SPAG16: variants seen among roughly 807,000 people sequenced by gnomAD.
SPAG16 encodes the protein sperm-associated antigen 16 protein.
A neutral mutation model predicts 80.4 loss-of-function variants in SPAG16; 86 were observed. That is an observed-to-expected ratio of 1.07 (90% confidence interval 0.90 to 1.28). The LOEUF is 1.28. Among genes scored for constraint, SPAG16 ranks in the 50% most tolerant of loss-of-function variants. SPAG16 has a pLI of 0.00. For missense variants in SPAG16, 870 were observed against 765.3 expected (o/e 1.14, Z -1.61); for synonymous variants, 294 against 265.9 (o/e 1.11, Z -1.03).
intron 6 of SPAG16, among the ~76,000 whole-genome samples, chr2:213,345,734 G>T (rs962779508): frequency 2.0e-5 from 3 of 150,002 alleles, no homozygotes; most frequent in Non-Finnish European, 4.5e-5. Context: ...TGTTCCATTG[G>T]TCTATATCTC....
intron 10 of SPAG16, among the ~76,000 whole-genome samples, chr2:213,751,696 C>T (rs1249169861): frequency 6.6e-6 from 1 of 152,206 alleles, no homozygotes; most frequent in African/African-American, 2.4e-5. Context: ...ACCTTATATT[C>T]AGCCAGAGCT....
intron 10 of SPAG16, among the ~76,000 whole-genome samples, chr2:213,635,854 T>C (rs182868628): frequency 9.8e-5 from 15 of 152,306 alleles, no homozygotes; most frequent in Admixed American, 4.6e-4. Context: ...ATATTATTCC[T>C]TTGTCAGATG....
intron 9 of SPAG16, among the ~76,000 whole-genome samples, chr2:213,383,682 A>G (rs1050697722): frequency 2.0e-5 from 3 of 152,182 alleles, no homozygotes; most frequent in Non-Finnish European, 2.9e-5. Context: ...AAAACATATA[A>G]GACATGAACT....
intron 10 of SPAG16, among the ~76,000 whole-genome samples, chr2:213,599,369 T>C (rs1417954762): frequency 6.6e-6 from 1 of 152,200 alleles, no homozygotes; most frequent in Non-Finnish European, 1.5e-5. Flanking sequence ...GGCATTAAAC[T>C]GCGCAGGTCC....
intron 15 of SPAG16, among the ~76,000 whole-genome samples, chr2:214,185,910 TCTTGTTTTTCTATTC>T (rs1462592601): frequency 1.3e-5 from 2 of 152,142 alleles, no homozygotes; most frequent in Non-Finnish European, 1.5e-5. Context: ...TCCATACTCA[TCTTGTTTTTCTATTC>T]CTTTAACTGT....
chr2:214,354,287 T>C (rs1409707680), intron 15 of SPAG16, among the ~76,000 whole-genome samples: 2 of 152,246 alleles, frequency 1.3e-5, no homozygotes, highest in African/African-American at 4.8e-5. Flanking sequence ...TTTCTCAGGT[T>C]TGTCAAAGAT....
At chr2:214,297,556 G>A (rs1451033504) in intron 15 of SPAG16, among the ~76,000 whole-genome samples, 1 of 151,982 alleles carries the variant, frequency 6.6e-6, no homozygotes. Context: ...GTTTTCCAGT[G>A]CCATTTATTG....
intron 15 of SPAG16, among the ~76,000 whole-genome samples, chr2:214,161,725 C>T (rs931899515): frequency 3.9e-5 from 6 of 151,954 alleles, no homozygotes; most frequent in Non-Finnish European, 7.4e-5. Context: ...AGCTAACCCA[C>T]GCTGGGCTTA....
At chr2:213,674,701 A>G (rs2063970495) in intron 10 of SPAG16, among the ~76,000 whole-genome samples, 1 of 150,208 alleles carries the variant, frequency 6.7e-6, no homozygotes, top group Non-Finnish European at 1.5e-5. Flanking sequence ...ATGTCCCTAC[A>G]AAGGACGTGA....
chr2:213,420,214 C>T (rs547199277), intron 9 of SPAG16, among the ~76,000 whole-genome samples: 5 of 152,200 alleles, frequency 3.3e-5, no homozygotes, highest in East Asian at 3.9e-4. Flanking sequence ...TTACTCTTCA[C>T]GGAGAATAAA....
At chr2:213,537,656 A>G (rs1374089511) in intron 10 of SPAG16, among the ~76,000 whole-genome samples, 1 of 151,820 alleles carries the variant, frequency 6.6e-6, no homozygotes, top group African/African-American at 2.4e-5. Context: ...TGGCAAAGCC[A>G]CCTCTTAACA....
At chr2:213,876,971 C>T (rs1033615445) in intron 11 of SPAG16, among the ~76,000 whole-genome samples, 2 of 152,130 alleles carry the variant, frequency 1.3e-5, no homozygotes, top group African/African-American at 4.8e-5. Context: ...AGAAAACATG[C>T]TTAGCAAGAT....
At position 213,820,088 on chromosome 2, in the gene SPAG16, T is replaced by A. The variant is rs573210035; in HGVS notation, c.1071-42397T>A. The stretch of plus-strand genomic sequence containing the variant: ...CCACCGTTGTTTTTGCTTTTATTTA[T>A]TTTTGAGATAGGATCTCACTGTTTT... On this transcript the variant is annotated intron_variant, in intron 10 of 15. Transcript: ENST00000331683. 2.0e-5 allele frequency among the ~76,000 whole-genome samples: 3 copies of A among 152,064 alleles called. No individual in the cohort carries two copies. The East Asian group carries it at 5.8e-4, about 30-fold the overall frequency.
chr2:214,056,898 C>T (rs1313387862), intron 13 of SPAG16, among the ~76,000 whole-genome samples: 2 of 152,190 alleles, frequency 1.3e-5, no homozygotes, highest in Non-Finnish European at 2.9e-5. Flanking sequence ...GGAGTAGATT[C>T]CATCTCCAGA....
intron 10 of SPAG16, among the ~76,000 whole-genome samples, chr2:213,783,365 GA>G (rs2070138438): frequency 6.7e-6 from 1 of 149,684 alleles, no homozygotes; most frequent in East Asian, 2.0e-4. Context: ...TCAGAGTGAA[GA>G]TTTTGAAGCC....
chr2:213,310,261 A>G lies in SPAG16; in HGVS notation c.398+84A>G. 3 of 900,788 alleles carry G rather than the reference A, an allele frequency of 3.3e-6. No individual in the cohort carries two copies. In the East Asian group the frequency reaches 8.3e-5, roughly 25 times the overall value. 55.8% of individuals were successfully genotyped at this position (900,788 alleles called of 1,614,324 possible). A position where few individuals can be genotyped will look rare whatever the true frequency, so the allele number is the denominator to read the frequency against. On this transcript the variant is annotated intron_variant, in intron 4 of 15. Coordinates refer to ENST00000331683, the MANE Select transcript of SPAG16 (RefSeq NM_024532.5). Reference sequence around the variant, plus strand: ...TTTAAGTGTCTTAGGAGACTTTGAAATGACTCAGCCTATGAAAAATGACTA... The same window carrying G: ...TTTAAGTGTCTTAGGAGACTTTGAAGTGACTCAGCCTATGAAAAATGACTA...
chr2:214,260,966 G>T (rs1401101265), intron 15 of SPAG16, among the ~76,000 whole-genome samples: 1 of 151,730 alleles, frequency 6.6e-6, no homozygotes, highest in Non-Finnish European at 1.5e-5. Flanking sequence ...AATTAGCCGG[G>T]CGTGGTGGTG....
intron 9 of SPAG16, among the ~76,000 whole-genome samples, chr2:213,433,699 A>G (rs965617894): frequency 6.6e-6 from 1 of 152,154 alleles, no homozygotes; most frequent in Non-Finnish European, 1.5e-5. Flanking sequence ...GTTTAATACA[A>G]TTCCTATCAA....
chr2:213,929,000 CTTTTTTTTTTTTTTT>C lies in SPAG16; in HGVS notation c.1215-943_1215-929del, dbSNP rs59993057. 2.0e-4 allele frequency among the ~76,000 whole-genome samples: 8 copies of C among 40,854 alleles called. 1 individual carries two copies. The East Asian group carries it at 3.0e-3, about 15-fold the overall frequency. 26.8% of individuals were successfully genotyped at this position (40,854 alleles called of 152,430 possible). On this transcript the variant is annotated intron_variant, in intron 11 of 15. Transcript: ENST00000331683. Reference sequence around the variant, plus strand: ...GACACCTACCCATTTCTTTTCTTTTCTTTTTTTTTTTTTTTTTTTTTTTTTTTTTTTAAGACTGAG... The same window carrying C: ...GACACCTACCCATTTCTTTTCTTTTCTTTTTTTTTTTTTTTTAAGACTGAG...
Sources: allele counts gnomAD v4.1 joint callset (sites outside exome capture counted in the v4.1 genomes callset), GRCh38; gene constraint gnomAD v4.1.1; transcripts MANE v1.5; gene names NCBI Gene and HGNC (gene_info 2026-07-23, HGNC 2026-07-21).